GASK1A: variants seen among roughly 807,000 people sequenced by gnomAD.
GASK1A encodes Golgi-associated kinase 1A.
A neutral mutation model predicts 41.2 loss-of-function variants in GASK1A; 40 were observed. That is an observed-to-expected ratio of 0.97 (90% CI 0.75 to 1.27). The LOEUF (loss-of-function observed/expected upper bound fraction) is 1.27, where lower values mean the gene tolerates loss of function less well. Ranked by LOEUF, GASK1A falls within the 50% of genes most tolerant of loss-of-function variation. The probability of loss-of-function intolerance (pLI) is 0.00; values close to 1 mark genes in which losing one functional copy is unlikely to be tolerated. For missense variants in GASK1A, 678 were observed against 745.1 expected, an observed-to-expected ratio of 0.91 and a Z score of 1.05; for synonymous variants, 316 against 307.1, an observed-to-expected ratio of 1.03 and a Z score of -0.30.
At chr3:43,034,560 G>C (rs513065) in intron 2 of GASK1A, among the ~76,000 whole-genome samples, 149,176 of 152,330 alleles carry the variant, frequency 0.98, 73,140 homozygotes, top group Middle Eastern at 1. Flanking sequence ...GCACCAAATG[G>C]ACATGGAACC....
chr3:42,984,304 CTCTCTCTCTT>C lies in GASK1A; in HGVS notation c.3+4669_3+4678del, dbSNP rs2089296949. Among the ~76,000 whole-genome samples, 1 of 151,482 alleles carries C rather than the reference CTCTCTCTCTT, an allele frequency of 6.6e-6. No homozygotes were observed. Among genetic ancestry groups the C allele is most frequent in the African/African-American group, 2.4e-5 (1 of 41,212 alleles). On this transcript the variant is annotated intron_variant, in intron 1 of 4. Coordinates refer to ENST00000430121, the MANE Select transcript of GASK1A (RefSeq NM_001129908.3). This position sits in a 1 kb window ranked among gnomAD's most constrained non-coding sequence, Gnocchi z 4.2. Reference sequence around the variant, plus strand: ...TGTGGATTTCACTTCCTATCTCTCTCTCTCTCTCTTTCTCTCTCTCTCACACACACACACG... The same window carrying C: ...TGTGGATTTCACTTCCTATCTCTCTCTCTCTCTCTCTCACACACACACACG...
In GASK1A at chr3:43,057,073, GT is replaced by G. The variant is rs1325484697; in HGVS notation, c.*688del. On this transcript the variant is annotated 3_prime_UTR_variant, in exon 5 of 5. Transcript: ENST00000430121. ...TACATGCAAATTAAAAAATGAAAGTGTGGTCATGCTTTGTCAACTCACTATA... is the reference window on the plus strand; with the variant it reads ...TACATGCAAATTAAAAAATGAAAGTGGGTCATGCTTTGTCAACTCACTATA... 1 of 152,108 alleles carries G rather than the reference GT, an allele frequency of 6.6e-6. No individual in the cohort carries two copies. Among genetic ancestry groups the G allele is most frequent in the Admixed American group, 6.5e-5 (1 of 15,276 alleles). The allele number at this position is 152,108 out of a possible 1,614,324, so 9.4% of individuals were successfully genotyped here.
At position 43,019,757 on chromosome 3, in the gene GASK1A, A is replaced by AACACACACACAC. The variant is rs148054172; in HGVS notation, c.4-12489_4-12478dup. On this transcript the variant is annotated intron_variant, in intron 1 of 4. Transcript: ENST00000430121. Reference sequence around the variant, plus strand: ...AGAGTTAGACCCAAATTCCGTTTTTAACACACACACACACACACACACACA... The same window carrying AACACACACACAC: ...AGAGTTAGACCCAAATTCCGTTTTTAACACACACACACACACACACACACACACACACACACA... Among the ~76,000 whole-genome samples, 1,085 of 146,606 alleles carry AACACACACACAC rather than the reference A, an allele frequency of 7.4e-3. 9 individuals are homozygous for AACACACACACAC. The highest frequency in any genetic ancestry group is 0.013 in the Admixed American group (191 of 14,630).
At chr3:43,051,873 A>C (rs2089690358) in intron 2 of GASK1A, among the ~76,000 whole-genome samples, 1 of 152,196 alleles carries the variant, frequency 6.6e-6, no homozygotes, top group Non-Finnish European at 1.5e-5. Context: ...CCAGGTTCCC[A>C]GGCTGATGTC....
At chr3:43,020,482 C>G (rs1368798489) in intron 1 of GASK1A, among the ~76,000 whole-genome samples, 3 of 152,180 alleles carry the variant, frequency 2.0e-5, no homozygotes, top group African/African-American at 7.2e-5. Context: ...CAGCACTACA[C>G]TCTTATTAAC....
chr3:43,051,095 A>G (rs1340982839), intron 2 of GASK1A, among the ~76,000 whole-genome samples: 2 of 152,262 alleles, frequency 1.3e-5, no homozygotes, highest in Non-Finnish European at 2.9e-5. Flanking sequence ...TTTTGTTGAA[A>G]ACTGAGTATT....
At chr3:43,002,426 C>T (rs1198303721) in intron 1 of GASK1A, among the ~76,000 whole-genome samples, 1 of 152,120 alleles carries the variant, frequency 6.6e-6, no homozygotes, top group Non-Finnish European at 1.5e-5. Context: ...TTTATGCTTG[C>T]TTTTGTGTTT....
chr3:43,028,383 G>A (rs1003961613), intron 1 of GASK1A, among the ~76,000 whole-genome samples: 1 of 152,176 alleles, frequency 6.6e-6, no homozygotes, highest in Non-Finnish European at 1.5e-5. Context: ...AAAAGGAGGG[G>A]TCCATTCAGA....
intron 3 of GASK1A, 116 bp from the exon 4 acceptor site, chr3:43,055,316 G>A (rs1278747595): frequency 8.9e-6 from 6 of 673,942 alleles, no homozygotes; most frequent in South Asian, 1.8e-5. Flanking sequence ...TTGTTAGGAT[G>A]GACTGTGGGA....
chr3:42,981,801 T>C lies in GASK1A; in HGVS notation c.3+2156T>C, dbSNP rs184590764. ...TCCTAAAATAGTTTTTGGGAAATGA[T>C]AGATGCTATATCATTTCCCATTATA... On this transcript the variant is annotated intron_variant, in intron 1 of 4. Transcript: ENST00000430121. Among the ~76,000 whole-genome samples the C allele has an allele frequency of 9.2e-4, 140 of 152,344 alleles. 1 individual carries two copies. Among genetic ancestry groups the C allele is most frequent in the African/African-American group, 3.2e-3 (133 of 41,574 alleles).
At chr3:43,014,182 AG>A (rs1264948458) in intron 1 of GASK1A, among the ~76,000 whole-genome samples, 1 of 151,740 alleles carries the variant, frequency 6.6e-6, no homozygotes, top group African/African-American at 2.4e-5. Context: ...AGTCACAGGA[AG>A]GGGCTGTGTG....
chr3:43,054,551 G>A (rs1046526908), intron 3 of GASK1A, among the ~76,000 whole-genome samples: 6 of 152,170 alleles, frequency 3.9e-5, no homozygotes, highest in Non-Finnish European at 8.8e-5. Flanking sequence ...GGTGAGAAAG[G>A]AGAAGAGGCA....
At chr3:43,050,147 T>C (rs1402454574) in intron 2 of GASK1A, among the ~76,000 whole-genome samples, 3 of 152,202 alleles carry the variant, frequency 2.0e-5, no homozygotes, top group Non-Finnish European at 2.9e-5. Flanking sequence ...TTCAAGTTAC[T>C]ACTTAGTGTC....
chr3:43,028,286 A>C (rs1285873819), intron 1 of GASK1A, among the ~76,000 whole-genome samples: 1 of 152,174 alleles, frequency 6.6e-6, no homozygotes, highest in African/African-American at 2.4e-5. Flanking sequence ...TTCAAAAGGG[A>C]GGACGGTATA....
At chr3:43,003,369 C>T (rs189385218) in intron 1 of GASK1A, among the ~76,000 whole-genome samples, 4 of 152,176 alleles carry the variant, frequency 2.6e-5, no homozygotes, top group South Asian at 4.2e-4. Flanking sequence ...GTGGCAGGCT[C>T]CTGTCATCCC....
intron 1 of GASK1A, among the ~76,000 whole-genome samples, chr3:42,988,260 G>A (rs944617598): frequency 5.9e-5 from 9 of 152,114 alleles, no homozygotes; most frequent in African/African-American, 2.2e-4. Flanking sequence ...AAGTGGCCGC[G>A]GGAAGGGGCT....
intron 4 of GASK1A, 181 bp from the exon 5 acceptor site, chr3:43,055,995 C>G: frequency 1.7e-6 from 1 of 593,134 alleles, no homozygotes; most frequent in Non-Finnish European, 3.0e-6. Context: ...ACAGCAAAGC[C>G]AGGCAAAGGG....
At chr3:42,994,218 G>A (rs2089357400) in intron 1 of GASK1A, among the ~76,000 whole-genome samples, 1 of 152,170 alleles carries the variant, frequency 6.6e-6, no homozygotes, top group African/African-American at 2.4e-5. Context: ...CAGGGGTCTG[G>A]GTCTCAGGGG....
chr3:43,006,710 C>T (rs185658982), intron 1 of GASK1A, among the ~76,000 whole-genome samples: 11 of 152,224 alleles, frequency 7.2e-5, no homozygotes, highest in Admixed American at 4.6e-4. Flanking sequence ...TAACAGAGCC[C>T]GAGGCTGGAG....
Sources: allele counts gnomAD v4.1 joint callset (sites outside exome capture counted in the v4.1 genomes callset), GRCh38; gene constraint gnomAD v4.1.1; non-coding constraint Gnocchi (gnomAD v3.1); transcripts MANE v1.5; gene names NCBI Gene and HGNC (gene_info 2026-07-23, HGNC 2026-07-21).